The following SF3B3 variants were observed in gnomAD, a reference collection of about 807,000 sequenced individuals.
SF3B3 encodes the protein splicing factor 3b subunit 3.
A neutral mutation model predicts 139.2 loss-of-function variants in SF3B3; 33 were observed. The observed-to-expected ratio is 0.24, with a 90% CI of 0.18 to 0.32. The LOEUF is 0.32. SF3B3 is among the 10% of genes least tolerant of loss of function. SF3B3 has a pLI of 1.00. For synonymous variants in SF3B3, 596 were observed against 563.6 expected, an observed-to-expected ratio of 1.06 and a Z score of -0.81; for missense variants, 818 against 1,509.4, an observed-to-expected ratio of 0.54 and a Z score of 7.59.
Position 70,541,657 on chromosome 16 carries a change from G to A in SF3B3, c.1068-12G>A. ...TCGTTACCGAAAGTTTCTCTCCTCT[G>A]CTTCTTCCCAGTTACTTATATCAAA... On this transcript the variant is annotated splice_polypyrimidine_tract_variant and intron_variant, in intron 8 of 25. Coordinates refer to ENST00000302516, the MANE Select transcript of SF3B3 (RefSeq NM_012426.5). The A allele has an allele frequency of 2.5e-6, 4 of 1,611,686 alleles. No homozygotes were observed. Among genetic ancestry groups the A allele is most frequent in the Non-Finnish European group, 3.4e-6 (4 of 1,178,386 alleles).
chr16:70,540,000 T>A (rs1423913153), intron 8 of SF3B3, among the ~76,000 whole-genome samples: 1 of 150,124 alleles, frequency 6.7e-6, no homozygotes, highest in Non-Finnish European at 1.5e-5. Flanking sequence ...GGTCTCGAAC[T>A]TCCGACCTCA....
chr16:70,573,421 G>C lies in SF3B3; in HGVS notation c.*1608G>C, dbSNP rs568600227. On this transcript the variant is annotated 3_prime_UTR_variant, in exon 26 of 26. Coordinates refer to ENST00000302516, the MANE Select transcript of SF3B3 (RefSeq NM_012426.5). ...AGTTTGACTAAAATACATACACTCC[G>C]TACAGAAGGTAGGGGGTTATGTAAG... The C allele has an allele frequency of 6.6e-6, 1 of 152,044 alleles. No homozygotes were observed. Among genetic ancestry groups the C allele is most frequent in the African/African-American group, 2.4e-5 (1 of 41,402 alleles). The allele number at this position is 152,044 out of a possible 1,614,324, so 9.4% of individuals were successfully genotyped here.
chr16:70,557,130 A>T, intron 15 of SF3B3, 101 bp downstream of exon 15: 1 of 1,270,054 alleles, frequency 7.9e-7, no homozygotes, highest in Non-Finnish European at 1.1e-6. Context: ...ATGGTTTCAG[A>T]TCCTCACCTT....
chr16:70,548,509 G>C (rs1404204086), intron 11 of SF3B3, 67 bp downstream of exon 11: 36 of 1,345,122 alleles, frequency 2.7e-5, no homozygotes, highest in Non-Finnish European at 2.1e-5. Flanking sequence ...GGCTTGAAAG[G>C]CTGCGTTCAT....
Position 70,556,348 on chromosome 16 carries a change from T to C in SF3B3, c.1866+14T>C, listed in dbSNP as rs762889314. 6.2e-7 allele frequency: 1 copy of C among 1,614,070 alleles called. No individual in the cohort carries two copies. Among genetic ancestry groups the C allele is most frequent in the Non-Finnish European group, 8.5e-7 (1 of 1,179,940 alleles). On this transcript the variant is annotated intron_variant, in intron 14 of 25. Coordinates refer to ENST00000302516, the MANE Select transcript of SF3B3 (RefSeq NM_012426.5). ...CTGGATCCCTCAGTGAGTGACACTC[T>C]GAGCTTCAAGGATCATCTGGTTGGA...
Position 70,567,392 on chromosome 16 carries a change from A to T in SF3B3, c.2827-19A>T. On this transcript the variant is annotated intron_variant, in intron 20 of 25. Transcript: ENST00000302516. ...GGCTGGCATTTATAATAGCTGTATT[A>T]CCTGCTTTTCCTCTATAGACTCCTG... is the stretch of plus-strand genomic sequence containing the variant. 1 of 1,606,052 alleles carries T rather than the reference A, an allele frequency of 6.2e-7. No individual in the cohort carries two copies. Among genetic ancestry groups the T allele is most frequent in the Non-Finnish European group, 8.5e-7 (1 of 1,177,006 alleles).
At chr16:70,551,483 A>G (rs2050324561) in intron 11 of SF3B3, among the ~76,000 whole-genome samples, 1 of 152,108 alleles carries the variant, frequency 6.6e-6, no homozygotes, top group South Asian at 2.1e-4. Flanking sequence ...TGGATGGATC[A>G]CCTGAGGTTG....
At chr16:70,557,541 A>G (rs1490844854) in intron 15 of SF3B3, among the ~76,000 whole-genome samples, 1 of 152,194 alleles carries the variant, frequency 6.6e-6, no homozygotes, top group Non-Finnish European at 1.5e-5. Flanking sequence ...TAGCCCAGGT[A>G]CTTTTTGCTT....
At chr16:70,530,957 C>A (rs961682177) in intron 4 of SF3B3, 40 bp downstream of exon 4, 2 of 1,550,228 alleles carry the variant, frequency 1.3e-6, no homozygotes, top group African/African-American at 1.4e-5. Flanking sequence ...TTTCAGTCAC[C>A]TCAGTGTTTT....
rs1174092099 is a variant in SF3B3 at position 70,573,566 on chromosome 16, A to C, written c.*1753A>C. The C allele has an allele frequency of 6.6e-6, 1 of 152,194 alleles. No individual in the cohort carries two copies. The highest frequency in any genetic ancestry group is 1.5e-5 in the Non-Finnish European group (1 of 68,048). 9.4% of individuals were successfully genotyped at this position (152,194 alleles called of 1,614,324 possible). A position where few individuals can be genotyped will look rare whatever the true frequency, so the allele number is the denominator to read the frequency against. ...GGGCTAGGACAAGGATTTGGGCTTGAATATGTGGAAAGGAATTTTCATAGT... is the reference window on the plus strand; with the variant it reads ...GGGCTAGGACAAGGATTTGGGCTTGCATATGTGGAAAGGAATTTTCATAGT... On this transcript the variant is annotated 3_prime_UTR_variant, in exon 26 of 26. Coordinates refer to ENST00000302516, the MANE Select transcript of SF3B3 (RefSeq NM_012426.5).
intron 1 of SF3B3, among the ~76,000 whole-genome samples, chr16:70,525,811 A>AT (rs2050056709): frequency 1.3e-5 from 2 of 151,950 alleles, no homozygotes; most frequent in South Asian, 4.2e-4. Flanking sequence ...AATACAAAAA[A>AT]TTAGCCGGGT....
In SF3B3 at chr16:70,556,269, C is replaced by T; in HGVS notation, c.1801C>T (p.Arg601Trp). The change falls in exon 14 of 26, where the codon CGG becomes TGG. Residue 601 changes from arginine (R) to tryptophan (W), a missense_variant. Around this residue, in one of 14 missense-constraint regions of SF3B3, gnomAD observed 170 missense variants for 353.0 expected, o/e 0.48. Coordinates refer to ENST00000302516, the MANE Select transcript of SF3B3 (RefSeq NM_012426.5). ...SLANVPPGEQ[R>W]SRFLAVGLVD... is the part of the protein sequence containing the mutation. The stretch of plus-strand genomic sequence containing the variant: ...GGCCAATGTACCCCCTGGAGAGCAG[C>T]GGTCTCGCTTCCTGGCTGTGGGGCT... The T allele has an allele frequency of 6.2e-7, 1 of 1,614,184 alleles. No individual in the cohort carries two copies. Among genetic ancestry groups the T allele is most frequent in the Non-Finnish European group, 8.5e-7 (1 of 1,180,036 alleles).
intron 17 of SF3B3, among the ~76,000 whole-genome samples, chr16:70,562,020 A>G (rs1395652874): frequency 2.6e-5 from 4 of 152,152 alleles, no homozygotes; most frequent in South Asian, 2.1e-4. Context: ...ATACAGTCCA[A>G]TCTTCCTGAG....
In SF3B3 at chr16:70,560,543, GTCCCGTCCTGTGAAGC is replaced by G. The variant is rs755966436; in HGVS notation, c.2088_2103del (p.Arg697SerfsTer20). On this transcript the variant is annotated frameshift_variant, in exon 16 of 26. Coordinates refer to ENST00000302516, the MANE Select transcript of SF3B3 (RefSeq NM_012426.5). LOFTEE classifies it high-confidence loss of function. ...CTGATACTCGCACTCGGTACCTGGG[GTCCCGTCCTGTGAAGC>G]TCTTCCGAGTCCGAATGCAAGGCCA... 6.2e-7 allele frequency: 1 copy of G among 1,613,920 alleles called. No individual in the cohort carries two copies. The highest frequency in any genetic ancestry group is 8.5e-7 in the Non-Finnish European group (1 of 1,179,854).
chr16:70,549,777 T>C lies in SF3B3; in HGVS notation c.1402+1335T>C, dbSNP rs1178369308. 2.6e-5 allele frequency among the ~76,000 whole-genome samples: 4 copies of C among 151,986 alleles called. No homozygotes were observed. The East Asian group carries it at 7.7e-4, about 29-fold the overall frequency. ...CCATCTCTACTAAAAATACAAAAAT[T>C]AGCTGGGCGTGGTGGTGCAGGCCTG... On this transcript the variant is annotated intron_variant, in intron 11 of 25. Transcript: ENST00000302516.
intron 6 of SF3B3, 134 bp from the exon 7 acceptor site, chr16:70,538,189 G>A (rs1316240209): frequency 6.1e-6 from 5 of 819,620 alleles, no homozygotes; most frequent in African/African-American, 1.7e-5. Flanking sequence ...GCTCTGGCTG[G>A]CAGGACACTG....
intron 6 of SF3B3, chr16:70,537,901 T>C: frequency 2.5e-6 from 1 of 403,600 alleles, no homozygotes; most frequent in Admixed American, 2.9e-5. Context: ...TAGTGAGACC[T>C]TGTCTTTAAA....
At chr16:70,525,314 A>T (rs920127297) in intron 1 of SF3B3, among the ~76,000 whole-genome samples, 1 of 152,286 alleles carries the variant, frequency 6.6e-6, no homozygotes, top group East Asian at 1.9e-4. Context: ...GGCGTGAGCC[A>T]CCACTGCGCC....
chr16:70,553,031 C>T (rs1331384565), intron 11 of SF3B3, among the ~76,000 whole-genome samples: 2 of 152,088 alleles, frequency 1.3e-5, no homozygotes, highest in Non-Finnish European at 1.5e-5. Flanking sequence ...CTCAGCCTCC[C>T]GAGTAGTTGG....
Sources: gnomAD v4.1 joint callset for allele counts (sites outside exome capture counted in the v4.1 genomes callset) on GRCh38, gnomAD v4.1.1 for gene constraint, gnomAD v4.1.1 regional missense constraint, MANE v1.5 for transcripts, NCBI Gene and HGNC (gene_info 2026-07-23, HGNC 2026-07-21) for gene names.